Variants in CACNB4 observed in about 807,000 individuals in gnomAD.
CACNB4 encodes the protein calcium voltage-gated channel auxiliary subunit beta 4.
A neutral mutation model predicts 71.2 loss-of-function variants in CACNB4; 32 were observed. That is an observed-to-expected ratio of 0.45 (90% CI 0.34 to 0.60). The LOEUF (loss-of-function observed/expected upper bound fraction) is 0.60, where lower values mean the gene tolerates loss of function less well. CACNB4 is among the 20% of genes least tolerant of loss of function. The probability of loss-of-function intolerance (pLI) is 0.01; values close to 1 mark genes in which losing one functional copy is unlikely to be tolerated. For synonymous variants in CACNB4, 231 were observed against 236.9 expected (o/e 0.97, Z 0.23); for missense variants, 464 against 647.9 (o/e 0.72, Z 3.08).
At position 151,880,830 on chromosome 2, in the gene CACNB4, A is replaced by G; in HGVS notation, c.360T>C (p.Phe120=). Residue 120 remains phenylalanine (F), a synonymous_variant, in exon 4 of 14, where the codon TTT becomes TTC. Coordinates refer to ENST00000539935, the MANE Select transcript of CACNB4 (RefSeq NM_000726.5). ...DVPVPSTAIS[F]DAKDFLHIKE... ...TAATATGTAGAAAGTCTTTAGCATCAAAGGAGATAGCTGTGCTTGGAACAG... is the reference window on the plus strand; with the variant it reads ...TAATATGTAGAAAGTCTTTAGCATCGAAGGAGATAGCTGTGCTTGGAACAG... The G allele has an allele frequency of 1.2e-6, 2 of 1,613,576 alleles. No homozygotes were observed. The highest frequency in any genetic ancestry group is 1.7e-6 in the Non-Finnish European group (2 of 1,179,680).
chr2:152,065,836 G>A (rs1223661129), intron 2 of CACNB4, among the ~76,000 whole-genome samples: 1 of 152,056 alleles, frequency 6.6e-6, no homozygotes, highest in Non-Finnish European at 1.5e-5. Flanking sequence ...CCAATTCCTG[G>A]GCTTAAACGA....
At chr2:151,987,490 A>G (rs1396481812) in intron 2 of CACNB4, among the ~76,000 whole-genome samples, 1 of 152,216 alleles carries the variant, frequency 6.6e-6, no homozygotes, top group Admixed American at 6.5e-5. Context: ...ATTCCTGAGC[A>G]TAATAAATCG....
rs191330724 is a variant in CACNB4 at position 152,097,972 on chromosome 2, G to C, written c.147+358C>G. Reference sequence around the variant, plus strand: ...CAGGTCCCCGGCCCCGAGGGGTCTGGTTACTCTAGGTCGAGTTATACGAAT... The same window carrying C: ...CAGGTCCCCGGCCCCGAGGGGTCTGCTTACTCTAGGTCGAGTTATACGAAT... On this transcript the variant is annotated intron_variant, in intron 2 of 13. Transcript: ENST00000539935. Among the ~76,000 whole-genome samples the C allele has an allele frequency of 1.1e-4, 16 of 152,314 alleles. No individual in the cohort carries two copies. In the East Asian group the frequency reaches 2.9e-3, roughly 28 times the overall value.
chr2:152,032,778 C>T (rs1211897406), intron 2 of CACNB4, among the ~76,000 whole-genome samples: 1 of 77,334 alleles, frequency 1.3e-5, no homozygotes, highest in Admixed American at 1.1e-4. Flanking sequence ...TATAGTGAGA[C>T]CCCCCATCTC....
At chr2:152,096,948 C>G (rs1303205353) in intron 2 of CACNB4, among the ~76,000 whole-genome samples, 1 of 152,082 alleles carries the variant, frequency 6.6e-6, no homozygotes, top group Non-Finnish European at 1.5e-5. Context: ...TAGGCACCTA[C>G]AAAATAAACA....
At chr2:151,860,633 A>C in intron 10 of CACNB4, 78 bp downstream of exon 10, 1 of 964,814 alleles carries the variant, frequency 1.0e-6, no homozygotes, top group Non-Finnish European at 1.7e-6. Flanking sequence ...CAAATTGAAA[A>C]AGACATTCAC....
intron 12 of CACNB4, chr2:151,851,305 T>C (rs1215447015): frequency 6.6e-6 from 1 of 152,242 alleles, no homozygotes; most frequent in African/African-American, 2.4e-5. Context: ...GCAGTATCAA[T>C]TGAACATGTT....
intron 2 of CACNB4, among the ~76,000 whole-genome samples, chr2:151,897,618 T>C (rs776013143): frequency 6.6e-6 from 1 of 152,180 alleles, no homozygotes; most frequent in African/African-American, 2.4e-5. Flanking sequence ...GATTCTTCAT[T>C]AGGGAATATA....
intron 2 of CACNB4, among the ~76,000 whole-genome samples, chr2:152,049,973 A>G (rs1407101290): frequency 6.6e-6 from 1 of 152,254 alleles, no homozygotes; most frequent in Non-Finnish European, 1.5e-5. Flanking sequence ...AACCAACCAG[A>G]CCACAGTATG....
intron 2 of CACNB4, among the ~76,000 whole-genome samples, chr2:152,078,062 A>T (rs1687140387): frequency 6.6e-6 from 1 of 152,140 alleles, no homozygotes; most frequent in Admixed American, 6.5e-5. Context: ...CAGCAGGAGG[A>T]GCGATGGAGG....
chr2:151,932,597 G>C (rs1423664511), intron 2 of CACNB4, among the ~76,000 whole-genome samples: 1 of 152,014 alleles, frequency 6.6e-6, no homozygotes, highest in Non-Finnish European at 1.5e-5. Flanking sequence ...CATTGGGGTG[G>C]GCTCTAAACC....
chr2:151,985,934 A>G (rs1178586037), intron 2 of CACNB4, among the ~76,000 whole-genome samples: 1 of 152,214 alleles, frequency 6.6e-6, no homozygotes, highest in African/African-American at 2.4e-5. Context: ...CAGAAACTCA[A>G]GCTCAGTAAA....
At chr2:152,099,088 A>T (rs967014159), upstream of CACNB4, 4 of 952,648 alleles carry the variant, frequency 4.2e-6, no homozygotes, top group Non-Finnish European at 6.1e-6. Flanking sequence ...CTGCGGACGG[A>T]GGGGGAGGGC....
intron 2 of CACNB4, among the ~76,000 whole-genome samples, chr2:151,927,439 G>C (rs1175355881): frequency 2.0e-5 from 3 of 152,212 alleles, no homozygotes; most frequent in Non-Finnish European, 4.4e-5. Flanking sequence ...GTGGTGGAAA[G>C]ACCCTATGTG....
chr2:152,013,327 A>G (rs1683164482), intron 2 of CACNB4, among the ~76,000 whole-genome samples: 1 of 152,196 alleles, frequency 6.6e-6, no homozygotes, highest in South Asian at 2.1e-4. Context: ...ACACAATTTC[A>G]AGACAGCAAA....
Position 151,971,448 on chromosome 2 carries a change from G to A in CACNB4, c.148-88078C>T, listed in dbSNP as rs146097138. 1.3e-3 allele frequency: 922 copies of A among 700,900 alleles called. 3 individuals are homozygous for A. The highest frequency in any genetic ancestry group is 0.013 in the East Asian group (468 of 37,238). 43.4% of individuals were successfully genotyped at this position (700,900 alleles called of 1,614,324 possible). ...CAGCTTTTAGTGCCTATATATTCTC[G>A]GACTGCAGCTAGCCATCTGAGAAAA... is the stretch of plus-strand genomic sequence containing the variant. On this transcript the variant is annotated intron_variant, in intron 2 of 13. Coordinates refer to ENST00000539935, the MANE Select transcript of CACNB4 (RefSeq NM_000726.5).
chr2:151,986,285 A>G (rs1425703818), intron 2 of CACNB4, among the ~76,000 whole-genome samples: 1 of 152,230 alleles, frequency 6.6e-6, no homozygotes, highest in Non-Finnish European at 1.5e-5. Context: ...TTTTACTTAT[A>G]TACCCAACAC....
At chr2:152,072,731 C>T (rs1265056241) in intron 2 of CACNB4, among the ~76,000 whole-genome samples, 1 of 151,742 alleles carries the variant, frequency 6.6e-6, no homozygotes, top group Non-Finnish European at 1.5e-5. Context: ...AGCTCCGCCT[C>T]CCGGTTTCAC....
intron 9 of CACNB4, among the ~76,000 whole-genome samples, chr2:151,863,205 G>A (rs1313771098): frequency 6.6e-6 from 1 of 151,338 alleles, no homozygotes; most frequent in Non-Finnish European, 1.5e-5. Flanking sequence ...AGCTGGGATT[G>A]CAAGCATGTG....
Sources: gnomAD v4.1 joint callset for allele counts (sites outside exome capture counted in the v4.1 genomes callset) on GRCh38, gnomAD v4.1.1 for gene constraint, MANE v1.5 for transcripts, NCBI Gene and HGNC (gene_info 2026-07-23, HGNC 2026-07-21) for gene names.